ESRRG: variants seen among roughly 807,000 people sequenced by gnomAD.
The protein encoded by ESRRG is estrogen-related receptor gamma.
ESRRG carries 13 observed loss-of-function variants against 44.0 expected under a neutral mutation model. The observed-to-expected ratio is 0.30, with a 90% CI of 0.19 to 0.47. The LOEUF (loss-of-function observed/expected upper bound fraction) is 0.47, where lower values mean the gene tolerates loss of function less well. Ranked by LOEUF, ESRRG falls within the 20% of genes least tolerant of loss-of-function variation. The pLI, the probability that ESRRG is intolerant of heterozygous loss-of-function variation, is 1.00. For missense variants in ESRRG, 395 were observed against 580.6 expected (o/e 0.68, Z 3.29); for synonymous variants, 215 against 214.6 (o/e 1.00, Z -0.02).
chr1:216,751,880 C>T (rs1383832423), intron 2 of ESRRG, among the ~76,000 whole-genome samples: 2 of 152,058 alleles, frequency 1.3e-5, no homozygotes, highest in East Asian at 3.9e-4. Flanking sequence ...TGTGGCTGAG[C>T]TCTCTGGCAG....
chr1:216,822,360 C>G (rs1021677515), intron 2 of ESRRG, among the ~76,000 whole-genome samples: 22 of 152,110 alleles, frequency 1.4e-4, no homozygotes, highest in Non-Finnish European at 2.9e-4. Flanking sequence ...AATTACCAAA[C>G]CCAGCTGAAA....
At chr1:217,029,189 A>C (rs750103906) in intron 1 of ESRRG, among the ~76,000 whole-genome samples, 3 of 152,244 alleles carry the variant, frequency 2.0e-5, no homozygotes, top group Non-Finnish European at 2.9e-5. Flanking sequence ...AACATGTACT[A>C]GCTAATGAAG....
chr1:216,651,824 G>T (rs2069054212), intron 2 of ESRRG, among the ~76,000 whole-genome samples: 1 of 152,122 alleles, frequency 6.6e-6, no homozygotes, highest in Admixed American at 6.6e-5. Context: ...ATATTTTTAA[G>T]ATTAGACTTT....
chr1:216,582,974 G>A (rs576762950), intron 3 of ESRRG, among the ~76,000 whole-genome samples: 2 of 151,876 alleles, frequency 1.3e-5, no homozygotes, highest in Non-Finnish European at 2.9e-5. Flanking sequence ...GAGAATGGGA[G>A]AATGGCCAGG....
chr1:216,733,208 G>C lies in ESRRG; in HGVS notation c.-13-55717C>G, dbSNP rs982512143. 2.7e-5 allele frequency among the ~76,000 whole-genome samples: 4 copies of C among 149,626 alleles called. No individual in the cohort carries two copies. In the South Asian group the frequency reaches 8.5e-4, roughly 32 times the overall value. On this transcript the variant is annotated intron_variant, in intron 2 of 7. Transcript: ENST00000359162. ...TTCGTGTTTTCTTCAGAATTATTCT[G>C]TTTCATCTCCATAATTTTGCTAGCC...
At chr1:217,093,080 C>G (rs1264744108), upstream of ESRRG, among the ~76,000 whole-genome samples, 1 of 152,114 alleles carries the variant, frequency 6.6e-6, no homozygotes, top group Non-Finnish European at 1.5e-5. Flanking sequence ...GAGTCTTTCT[C>G]TGCTATATTT....
At chr1:216,879,440 G>A (rs2096407004) in intron 2 of ESRRG, among the ~76,000 whole-genome samples, 1 of 134,218 alleles carries the variant, frequency 7.5e-6, no homozygotes, top group South Asian at 2.5e-4. Flanking sequence ...GTTTCATAAA[G>A]TGAAAATCTG....
At chr1:216,799,608 A>T (rs2148269775) in intron 2 of ESRRG, among the ~76,000 whole-genome samples, 1 of 152,306 alleles carries the variant, frequency 6.6e-6, no homozygotes, top group Middle Eastern at 3.4e-3. Flanking sequence ...ATGGACTGGA[A>T]AGAATGTATA....
intron 2 of ESRRG, among the ~76,000 whole-genome samples, chr1:216,750,084 T>C (rs1372800998): frequency 3.9e-5 from 6 of 152,198 alleles, no homozygotes; most frequent in African/African-American, 1.4e-4. Flanking sequence ...CCTTCCTTTC[T>C]TCGTTCCTCC....
At chr1:216,876,085 G>A (rs1438625560) in intron 2 of ESRRG, among the ~76,000 whole-genome samples, 7 of 152,026 alleles carry the variant, frequency 4.6e-5, no homozygotes, top group African/African-American at 1.2e-4. Context: ...AAAGCTGAAG[G>A]CATAGAAGAA....
At position 216,651,073 on chromosome 1, in the gene ESRRG, G is replaced by A. The variant is rs772694495; in HGVS notation, c.489C>T (p.Ser163=). Residue 163 remains serine, a synonymous_variant, in exon 3 of 7, where the codon AGC becomes AGT. Coordinates refer to ENST00000408911, the MANE Select transcript of ESRRG (RefSeq NM_001438.4). The stretch of plus-strand genomic sequence containing the variant: ...TTTCACATTCATTCGTGGCAGGGCA[G>A]CTGTATTCTATATTGCCTAAAACAC... The part of the protein sequence containing the change: ...KRTIQGNIEY[S]CPATNECEIT... 3 of 1,609,848 alleles carry A rather than the reference G, an allele frequency of 1.9e-6. No individual in the cohort carries two copies. The South Asian group carries it at 3.3e-5, about 18-fold the overall frequency.
chr1:216,747,510 C>T (rs529295908), intron 2 of ESRRG, among the ~76,000 whole-genome samples: 1 of 152,300 alleles, frequency 6.6e-6, no homozygotes, highest in Admixed American at 6.5e-5. Flanking sequence ...AGCAACACAG[C>T]TTCTCTCTGA....
At chr1:216,523,796 G>A (rs1050549135) in intron 5 of ESRRG, among the ~76,000 whole-genome samples, 2 of 151,280 alleles carry the variant, frequency 1.3e-5, no homozygotes, top group Admixed American at 6.6e-5. Context: ...AGTTAATCAT[G>A]GCATTGACTT....
intron 2 of ESRRG, among the ~76,000 whole-genome samples, chr1:216,845,862 A>AGAGT (rs1454389448): frequency 6.6e-6 from 1 of 152,116 alleles, no homozygotes; most frequent in African/African-American, 2.4e-5. Context: ...CTTTCCTGGA[A>AGAGT]GAGTGATACA....
At chr1:216,876,530 G>C (rs758149899) in intron 2 of ESRRG, among the ~76,000 whole-genome samples, 11 of 151,610 alleles carry the variant, frequency 7.3e-5, no homozygotes, top group African/African-American at 2.7e-4. Flanking sequence ...TTTTCAGGGA[G>C]GTGGAAACAA....
intron 2 of ESRRG, among the ~76,000 whole-genome samples, chr1:216,814,666 T>C (rs780987631): frequency 1.3e-5 from 2 of 152,216 alleles, no homozygotes; most frequent in Non-Finnish European, 1.5e-5. Flanking sequence ...GTTTCTGTAT[T>C]GCTTGAGGCA....
chr1:217,017,181 C>T (rs2079524265), intron 1 of ESRRG, among the ~76,000 whole-genome samples: 1 of 152,080 alleles, frequency 6.6e-6, no homozygotes. Context: ...TACAGCTGTA[C>T]TATCTTGTGG....
chr1:216,677,035 AG>A, intron 2 of ESRRG, 40 bp downstream of exon 2: 1 of 1,490,240 alleles, frequency 6.7e-7, no homozygotes. Flanking sequence ...CCATCATGTG[AG>A]GTTGGAAGTG....
intron 1 of ESRRG, among the ~76,000 whole-genome samples, chr1:217,051,204 C>CGGGGGGGGGGGGGGG (rs1164233806): frequency 3.0e-5 from 1 of 33,588 alleles, no homozygotes; most frequent in African/African-American, 1.3e-4. Flanking sequence ...ATAATGGGGG[C>CGGGGGGGGGGGGGGG]GGGGGGGGGG....
Sources: gnomAD v4.1 joint callset for allele counts (sites outside exome capture counted in the v4.1 genomes callset) on GRCh38, gnomAD v4.1.1 for gene constraint, MANE v1.5 for transcripts, NCBI Gene and HGNC (gene_info 2026-07-23, HGNC 2026-07-21) for gene names.